The following DACH1 variants were observed in gnomAD, a reference collection of about 807,000 sequenced individuals.
The protein encoded by DACH1 is dachshund family transcription factor 1.
Under a neutral mutation model 54.2 loss-of-function variants are expected in DACH1, and 12 were observed. The observed-to-expected ratio is 0.22, with a 90% CI of 0.14 to 0.36. DACH1 has a LOEUF of 0.36. DACH1 is among the 10% of genes least tolerant of loss of function. The pLI, the probability that DACH1 is intolerant of heterozygous loss-of-function variation, is 1.00. For missense variants in DACH1, 805 were observed against 929.8 expected (o/e 0.87, Z 1.75); for synonymous variants, 386 against 366.2 (o/e 1.05, Z -0.62).
chr13:71,688,386 C>A (rs569571493), intron 1 of DACH1, among the ~76,000 whole-genome samples: 3 of 152,180 alleles, frequency 2.0e-5, no homozygotes, highest in Non-Finnish European at 4.4e-5. Flanking sequence ...TGAGAGGCAA[C>A]AATCCAAATC....
intron 1 of DACH1, among the ~76,000 whole-genome samples, chr13:71,805,595 T>A (rs1048244815): frequency 6.6e-6 from 1 of 152,186 alleles, no homozygotes; most frequent in Admixed American, 6.5e-5. Context: ...CATTTTATTT[T>A]TGCATTGTCT....
At chr13:71,741,617 A>AT (rs1034714279) in intron 1 of DACH1, among the ~76,000 whole-genome samples, 1 of 152,176 alleles carries the variant, frequency 6.6e-6, no homozygotes, top group South Asian at 2.1e-4. Context: ...AAGAGAGATT[A>AT]TTTTTTATGC....
intron 6 of DACH1, among the ~76,000 whole-genome samples, chr13:71,528,423 TTC>T (rs1459100526): frequency 1.8e-5 from 2 of 109,592 alleles, no homozygotes; most frequent in Non-Finnish European, 4.1e-5. Context: ...AAAACAGATT[TTC>T]TTTTTTTTTT....
intron 1 of DACH1, among the ~76,000 whole-genome samples, chr13:71,763,428 C>A (rs963930145): frequency 2.0e-5 from 3 of 152,154 alleles, no homozygotes; most frequent in Non-Finnish European, 2.9e-5. Context: ...AATGCTCAAA[C>A]CCCATGATAA....
rs1873711441 is a variant in DACH1, at chr13:71,438,536, T to A, written c.*2119A>T. On this transcript the variant is annotated 3_prime_UTR_variant, in exon 11 of 11. Coordinates refer to ENST00000613252, the MANE Select transcript of DACH1 (RefSeq NM_080759.6). ...TGCTAAAATTTCCTTTTATTTCAAA[T>A]CAAACACTAAAGCATTCTCAAAGGT... The A allele has an allele frequency of 6.6e-6, 1 of 152,444 alleles. No individual in the cohort carries two copies. Among genetic ancestry groups the A allele is most frequent in the Non-Finnish European group, 1.5e-5 (1 of 67,882 alleles). The allele number at this position is 152,444 out of a possible 1,614,324, so 9.4% of individuals were successfully genotyped here.
At chr13:71,593,588 T>A (rs1873883280) in intron 3 of DACH1, among the ~76,000 whole-genome samples, 1 of 152,098 alleles carries the variant, frequency 6.6e-6, no homozygotes, top group Non-Finnish European at 1.5e-5. Context: ...ATTTTTAGAC[T>A]GCAAAATGTC....
chr13:71,492,182 G>A (rs1432610908), intron 6 of DACH1, among the ~76,000 whole-genome samples: 1 of 152,072 alleles, frequency 6.6e-6, no homozygotes, highest in Non-Finnish European at 1.5e-5. Context: ...TCATAGTCCT[G>A]TAATGTGTGA....
chr13:71,796,004 A>T (rs1887032402), intron 1 of DACH1, among the ~76,000 whole-genome samples: 1 of 152,176 alleles, frequency 6.6e-6, no homozygotes, highest in African/African-American at 2.4e-5. Context: ...GCAAGGCTGT[A>T]GACTTCTGTT....
At chr13:71,645,445 A>C (rs530742079) in intron 2 of DACH1, among the ~76,000 whole-genome samples, 1 of 152,326 alleles carries the variant, frequency 6.6e-6, no homozygotes, top group Admixed American at 6.5e-5. Context: ...CTCTTCTTTA[A>C]GAGAAAAAGC....
At chr13:71,725,620 G>C (rs1883433992) in intron 1 of DACH1, among the ~76,000 whole-genome samples, 1 of 151,874 alleles carries the variant, frequency 6.6e-6, no homozygotes, top group Admixed American at 6.6e-5. Flanking sequence ...ATTTTACTTT[G>C]ATTAGTAGAT....
At chr13:71,668,447 T>A (rs1286899494) in intron 2 of DACH1, among the ~76,000 whole-genome samples, 1 of 152,130 alleles carries the variant, frequency 6.6e-6, no homozygotes, top group Non-Finnish European at 1.5e-5. Flanking sequence ...ATGTGTTTTA[T>A]CTGAATAGAA....
chr13:71,586,356 G>T (rs1395381362), intron 3 of DACH1, among the ~76,000 whole-genome samples: 1 of 152,060 alleles, frequency 6.6e-6, no homozygotes, highest in African/African-American at 2.4e-5. Flanking sequence ...AATGTAACAA[G>T]GTTGCTTCAA....
At chr13:71,786,086 G>T (rs1255298155) in intron 1 of DACH1, among the ~76,000 whole-genome samples, 1 of 152,104 alleles carries the variant, frequency 6.6e-6, no homozygotes, top group African/African-American at 2.4e-5. Context: ...AAGGCGGGTA[G>T]AGAGCCCAAT....
chr13:71,806,065 C>G (rs948664268), intron 1 of DACH1, among the ~76,000 whole-genome samples: 1 of 152,134 alleles, frequency 6.6e-6, no homozygotes, highest in Non-Finnish European at 1.5e-5. Flanking sequence ...CCTCAGTCTC[C>G]CAAAGTGCTG....
At chr13:71,468,935 A>G (rs1267568349) in intron 10 of DACH1, among the ~76,000 whole-genome samples, 1 of 152,174 alleles carries the variant, frequency 6.6e-6, no homozygotes, top group East Asian at 1.9e-4. Flanking sequence ...TTTCAATTGT[A>G]TATCATTCGT....
intron 10 of DACH1, among the ~76,000 whole-genome samples, chr13:71,456,857 C>T (rs1875608221): frequency 6.6e-6 from 1 of 152,026 alleles, no homozygotes; most frequent in Non-Finnish European, 1.5e-5. Flanking sequence ...TCTGTAACAG[C>T]TCTATTTCTT....
At chr13:71,811,154 T>G (rs303964) in intron 1 of DACH1, among the ~76,000 whole-genome samples, 1 of 152,000 alleles carries the variant, frequency 6.6e-6, no homozygotes, top group Admixed American at 6.6e-5. Flanking sequence ...ATTTATTAAT[T>G]TTGTCCCAGT....
intron 2 of DACH1, among the ~76,000 whole-genome samples, chr13:71,678,123 A>G (rs1880679930): frequency 6.6e-6 from 1 of 152,204 alleles, no homozygotes; most frequent in Non-Finnish European, 1.5e-5. Context: ...TCGTTTTCAA[A>G]TGTTACTTCT....
chr13:71,441,936 A>G (rs912963024), intron 10 of DACH1, among the ~76,000 whole-genome samples: 2 of 152,014 alleles, frequency 1.3e-5, no homozygotes, highest in African/African-American at 4.8e-5. Context: ...TGCATATATT[A>G]TATTTATGGG....
Sources: allele counts gnomAD v4.1 joint callset (sites outside exome capture counted in the v4.1 genomes callset), GRCh38; gene constraint gnomAD v4.1.1; transcripts MANE v1.5; gene names NCBI Gene and HGNC (gene_info 2026-07-23, HGNC 2026-07-21).